Variants in JAK2 observed in about 807,000 individuals in gnomAD.
JAK2 encodes tyrosine-protein kinase JAK2.
JAK2 carries 86 observed loss-of-function variants against 139.3 expected under a neutral mutation model. The ratio of observed to expected loss-of-function variants is 0.62; its 90% confidence interval spans 0.52 to 0.74. The LOEUF (loss-of-function observed/expected upper bound fraction) is 0.74. Among genes scored for constraint, JAK2 ranks in the 30% least tolerant of loss-of-function variants. The pLI, the probability that JAK2 is intolerant of heterozygous loss-of-function variation, is 0.00. For missense variants in JAK2, 1,421 were observed against 1,360.3 expected, an observed-to-expected ratio of 1.04 and a Z score of -0.70; for synonymous variants, 490 against 437.7, an observed-to-expected ratio of 1.12 and a Z score of -1.49.
chr9:5,049,199 T>C (rs953239853), intron 5 of JAK2, among the ~76,000 whole-genome samples: 4 of 152,204 alleles, frequency 2.6e-5, no homozygotes, highest in Non-Finnish European at 5.9e-5. Flanking sequence ...AAATACACTT[T>C]ATTTTCTTCA....
chr9:5,061,667 A>C (rs1321476899), intron 8 of JAK2, among the ~76,000 whole-genome samples: 1 of 152,240 alleles, frequency 6.6e-6, no homozygotes, highest in African/African-American at 2.4e-5. Flanking sequence ...CTGTATCATC[A>C]ATAAGGCTGT....
At chr9:5,066,831 T>C (rs548336120) in intron 10 of JAK2, 42 bp downstream of exon 10, 2 of 815,868 alleles carry the variant, frequency 2.5e-6, no homozygotes, top group South Asian at 4.8e-5. Flanking sequence ...TTTATTTAGT[T>C]CATTTAATTT....
chr9:5,081,158 G>T (rs1228551820), intron 18 of JAK2, among the ~76,000 whole-genome samples: 2 of 151,864 alleles, frequency 1.3e-5, no homozygotes, highest in African/African-American at 4.8e-5. Context: ...GCCTCCCAAA[G>T]TGCTGGGATT....
intron 22 of JAK2, chr9:5,111,824 G>C (rs1260531314): frequency 4.8e-6 from 2 of 415,354 alleles, no homozygotes; most frequent in African/African-American, 4.1e-5. Flanking sequence ...GGCGTCTCCA[G>C]CCACACGCCT....
intron 2 of JAK2, among the ~76,000 whole-genome samples, chr9:5,007,585 A>G (rs986497770): frequency 6.6e-5 from 10 of 151,256 alleles, no homozygotes; most frequent in Admixed American, 2.6e-4. Context: ...AATGCAAAAT[A>G]TGTCCTATTT....
At chr9:5,021,420 C>T (rs1040749669) in intron 2 of JAK2, among the ~76,000 whole-genome samples, 5 of 152,248 alleles carry the variant, frequency 3.3e-5, no homozygotes, top group African/African-American at 1.2e-4. Flanking sequence ...TTTATATCAT[C>T]GTCCTCAATT....
intron 22 of JAK2, chr9:5,095,108 A>G (rs190055446): frequency 3.3e-5 from 5 of 152,306 alleles, no homozygotes; most frequent in Non-Finnish European, 7.4e-5. Flanking sequence ...AATTGAACCT[A>G]TCCCTGAGAC....
chr9:5,062,438 G>GA (rs1818248061), intron 8 of JAK2, among the ~76,000 whole-genome samples: 1 of 132,898 alleles, frequency 7.5e-6, no homozygotes, highest in Admixed American at 8.7e-5. Context: ...TATGCTATTG[G>GA]AAAAATTGCA....
At chr9:5,004,161 T>G (rs949479052) in intron 2 of JAK2, among the ~76,000 whole-genome samples, 4 of 152,154 alleles carry the variant, frequency 2.6e-5, no homozygotes, top group African/African-American at 9.6e-5. Context: ...AATCTACTCT[T>G]AGCAATTTTC....
chr9:5,079,811 CCT>C (rs1243567995), intron 16 of JAK2, among the ~76,000 whole-genome samples: 1 of 151,698 alleles, frequency 6.6e-6, no homozygotes, highest in Non-Finnish European at 1.5e-5. Flanking sequence ...ACAGTGACAC[CCT>C]GTCTCAAAAA....
At chr9:5,085,702 G>A (rs1820036504) in intron 19 of JAK2, 1 of 748,204 alleles carries the variant, frequency 1.3e-6, no homozygotes. Context: ...TCGTGAACAA[G>A]ACTAGCAGTG....
At chr9:5,052,880 C>T (rs1343486441) in intron 6 of JAK2, among the ~76,000 whole-genome samples, 1 of 151,872 alleles carries the variant, frequency 6.6e-6, no homozygotes, top group African/African-American at 2.4e-5. Flanking sequence ...CCACATTTTG[C>T]TTATTTGTTC....
At chr9:5,110,791 A>G (rs1276896975) in intron 22 of JAK2, 3 of 407,766 alleles carry the variant, frequency 7.4e-6, no homozygotes, top group Non-Finnish European at 1.4e-5. Context: ...GGCCCGGGCC[A>G]CGCGCGACGC....
At chr9:5,112,177 G>C (rs1382533155) in intron 22 of JAK2, 1 of 268,288 alleles carries the variant, frequency 3.7e-6, no homozygotes, top group Non-Finnish European at 7.5e-6. Context: ...CGGCCACCGG[G>C]CGCTGGCCTT....
intron 4 of JAK2, among the ~76,000 whole-genome samples, chr9:5,038,113 C>G (rs1586680414): frequency 6.6e-6 from 1 of 152,082 alleles, no homozygotes; most frequent in African/African-American, 2.4e-5. Flanking sequence ...ATTTGTTCTT[C>G]TTTTGTTAAA....
At chr9:5,094,863 T>C (rs1438399507) in intron 22 of JAK2, 2 of 152,158 alleles carry the variant, frequency 1.3e-5, no homozygotes, top group Non-Finnish European at 2.9e-5. Flanking sequence ...AAGACCCTCC[T>C]TTTAACCACC....
chr9:5,034,468 A>C (rs1356076878), intron 4 of JAK2, among the ~76,000 whole-genome samples: 1 of 152,152 alleles, frequency 6.6e-6, no homozygotes, highest in Admixed American at 6.5e-5. Flanking sequence ...CCTATTCCAA[A>C]ATTGACCACA....
At chr9:5,057,627 G>C (rs551297655) in intron 8 of JAK2, among the ~76,000 whole-genome samples, 41 of 142,458 alleles carry the variant, frequency 2.9e-4, no homozygotes, top group African/African-American at 1.1e-3. Flanking sequence ...CTGTCATCCA[G>C]GCTGGAGCAC....
chr9:5,026,463 T>G (rs1211443035), intron 3 of JAK2, among the ~76,000 whole-genome samples: 4 of 152,254 alleles, frequency 2.6e-5, no homozygotes, highest in African/African-American at 7.2e-5. Flanking sequence ...AATTAAGAAT[T>G]TAAGTCTTTC....
Sources: allele counts gnomAD v4.1 joint callset (sites outside exome capture counted in the v4.1 genomes callset), GRCh38; gene constraint gnomAD v4.1.1; transcripts MANE v1.5; gene names NCBI Gene and HGNC (gene_info 2026-07-23, HGNC 2026-07-21).